Variants in MYT1L observed in about 807,000 individuals in gnomAD.
MYT1L encodes the protein myelin transcription factor 1-like protein.
In MYT1L, 12 loss-of-function variants were observed where a neutral mutation model predicts 126.7. That is an observed-to-expected ratio of 0.09 (90% CI 0.06 to 0.15). The LOEUF is 0.15. MYT1L is among the 10% of genes least tolerant of loss of function. MYT1L has a pLI of 1.00. For synonymous variants in MYT1L, 541 were observed against 604.2 expected (o/e 0.90, Z 1.53); for missense variants, 979 against 1,585.2 (o/e 0.62, Z 6.49).
intron 18 of MYT1L, among the ~76,000 whole-genome samples, chr2:1,861,594 C>T (rs567576443): frequency 6.6e-6 from 1 of 151,924 alleles, no homozygotes; most frequent in East Asian, 1.9e-4. Context: ...ACGCTGTGCT[C>T]TGCCTGCAGC....
chr2:1,956,676 T>C (rs573597449), intron 8 of MYT1L, among the ~76,000 whole-genome samples: 3 of 152,190 alleles, frequency 2.0e-5, no homozygotes, highest in Admixed American at 2.0e-4. Context: ...TCTATCATCA[T>C]CATCATGATT....
In MYT1L at chr2:1,793,346, G is replaced by A. The variant is rs2032639023; in HGVS notation, c.3277-882C>T. 6.6e-6 allele frequency among the ~76,000 whole-genome samples: 1 copy of A among 152,220 alleles called. No individual in the cohort carries two copies. The highest frequency in any genetic ancestry group is 6.5e-5 in the Admixed American group (1 of 15,288). ...AGGCGGGGAGCTGCCCTGCCCATGGGGGTGTCTGCCTTGGGCACCCAAGGG... is the reference window on the plus strand; with the variant it reads ...AGGCGGGGAGCTGCCCTGCCCATGGAGGTGTCTGCCTTGGGCACCCAAGGG... On this transcript the variant is annotated intron_variant, in intron 23 of 24. Coordinates refer to ENST00000647738, the MANE Select transcript of MYT1L (RefSeq NM_001303052.2). This position sits in a 1 kb window ranked among gnomAD's most constrained non-coding sequence, Gnocchi z 4.6.
chr2:2,010,342 G>A lies in MYT1L; in HGVS notation c.-157-12995C>T, dbSNP rs188938154. 7.2e-5 allele frequency among the ~76,000 whole-genome samples: 11 copies of A among 152,270 alleles called. 1 individual carries two copies. In the East Asian group the frequency reaches 2.1e-3, roughly 30 times the overall value. On this transcript the variant is annotated intron_variant, in intron 4 of 24. Transcript: ENST00000647738. ...AAATGTTTTCCCCCTAGACCTAGAT[G>A]TCTGAAGCTGCAAGTCTGAAGGCTG...
chr2:2,155,125 C>CTCAATCAA (rs150086146), intron 3 of MYT1L, among the ~76,000 whole-genome samples: 3 of 152,016 alleles, frequency 2.0e-5, no homozygotes, highest in African/African-American at 7.2e-5. Flanking sequence ...GAAACTCCAT[C>CTCAATCAA]TCAATCAATC....
At chr2:2,174,521 A>G (rs1294235029) in intron 2 of MYT1L, among the ~76,000 whole-genome samples, 1 of 152,180 alleles carries the variant, frequency 6.6e-6, no homozygotes, top group Non-Finnish European at 1.5e-5. Flanking sequence ...ATTCAGACCC[A>G]CGTCCTTGTG....
intron 3 of MYT1L, among the ~76,000 whole-genome samples, chr2:2,109,875 T>C (rs559397969): frequency 1.6e-5 from 1 of 63,874 alleles, no homozygotes; most frequent in Non-Finnish European, 2.9e-5. Flanking sequence ...AGTGCTGATT[T>C]TATATATATA....
intron 8 of MYT1L, among the ~76,000 whole-genome samples, chr2:1,952,769 C>CCCTTCCCTCCTT (rs144488041): frequency 0.31 from 859 of 2,788 alleles, 75 homozygotes; most frequent in Middle Eastern, 0.5. Flanking sequence ...CTCCTTCCCT[C>CCCTTCCCTCCTT]CCTTCCCTCC....
chr2:1,933,171 G>C (rs1422234567), intron 9 of MYT1L, among the ~76,000 whole-genome samples: 1 of 151,814 alleles, frequency 6.6e-6, no homozygotes, highest in Non-Finnish European at 1.5e-5. Context: ...TGGTCTAATG[G>C]ACCAGGCAGC....
chr2:2,002,021 T>C (rs186379330), intron 4 of MYT1L, among the ~76,000 whole-genome samples: 144 of 152,284 alleles, frequency 9.5e-4, no homozygotes, highest in Non-Finnish European at 1.5e-3. Context: ...ATCCTATGTA[T>C]ATTATAGAGA....
chr2:1,821,851 T>C (rs763467647), intron 21 of MYT1L, among the ~76,000 whole-genome samples: 1 of 152,210 alleles, frequency 6.6e-6, no homozygotes, highest in Admixed American at 6.5e-5. Flanking sequence ...GACGTTCCCA[T>C]CTTCAGTACA....
At chr2:2,188,529 A>G (rs936814655) in intron 2 of MYT1L, among the ~76,000 whole-genome samples, 13 of 152,226 alleles carry the variant, frequency 8.5e-5, no homozygotes, top group African/African-American at 2.9e-4. Flanking sequence ...TAATCTATTT[A>G]AAATGGCCTA....
At chr2:1,818,467 A>G (rs2038026646) in intron 21 of MYT1L, among the ~76,000 whole-genome samples, 1 of 152,174 alleles carries the variant, frequency 6.6e-6, no homozygotes, top group Non-Finnish European at 1.5e-5. Flanking sequence ...TACTCTAACT[A>G]TATAATATGT....
chr2:2,164,278 T>C (rs956375223), intron 3 of MYT1L, among the ~76,000 whole-genome samples: 13 of 152,318 alleles, frequency 8.5e-5, no homozygotes, highest in African/African-American at 3.1e-4. Flanking sequence ...CCTCTTTCCC[T>C]TTCTTCATTT....
intron 3 of MYT1L, among the ~76,000 whole-genome samples, chr2:2,118,485 C>A (rs983291178): frequency 2.6e-5 from 4 of 152,054 alleles, no homozygotes; most frequent in Non-Finnish European, 4.4e-5. Context: ...CCAGAAATTC[C>A]CAGAGAAACT....
intron 18 of MYT1L, among the ~76,000 whole-genome samples, chr2:1,878,243 T>C (rs1389934445): frequency 6.6e-6 from 1 of 152,194 alleles, no homozygotes; most frequent in Non-Finnish European, 1.5e-5. Context: ...TTGCAGGTAT[T>C]CCATTCTGAA....
intron 22 of MYT1L, among the ~76,000 whole-genome samples, chr2:1,807,571 C>T (rs1487658927): frequency 6.6e-6 from 1 of 152,154 alleles, no homozygotes; most frequent in Non-Finnish European, 1.5e-5. Context: ...GGTTTGCAGG[C>T]TCCATTTAGA....
At chr2:2,272,224 G>A (rs2095278076) in intron 2 of MYT1L, among the ~76,000 whole-genome samples, 1 of 152,122 alleles carries the variant, frequency 6.6e-6, no homozygotes, top group Admixed American at 6.5e-5. Context: ...AAAGACGACA[G>A]GCACCCTTAT....
intron 4 of MYT1L, among the ~76,000 whole-genome samples, chr2:2,035,681 C>T (rs544851811): frequency 2.9e-4 from 2 of 6,938 alleles, no homozygotes. Context: ...CCCTCCAATG[C>T]GGGTGCAGAA....
intron 8 of MYT1L, among the ~76,000 whole-genome samples, chr2:1,970,213 T>C (rs2059703936): frequency 6.6e-6 from 1 of 152,128 alleles, no homozygotes; most frequent in South Asian, 2.1e-4. Context: ...CTGCCCGCTC[T>C]CCTCAAGTTG....
Sources: allele counts gnomAD v4.1 joint callset (sites outside exome capture counted in the v4.1 genomes callset), GRCh38; gene constraint gnomAD v4.1.1; non-coding constraint Gnocchi (gnomAD v3.1); transcripts MANE v1.5; gene names NCBI Gene and HGNC (gene_info 2026-07-23, HGNC 2026-07-21).